Variants in PTPRD observed in about 807,000 individuals in gnomAD.
The protein encoded by PTPRD is protein tyrosine phosphatase receptor type D.
Under a neutral mutation model 214.5 loss-of-function variants are expected in PTPRD, and 34 were observed. That is an observed-to-expected ratio of 0.16 (90% CI 0.12 to 0.21). PTPRD has a LOEUF of 0.21. PTPRD is among the 10% of genes least tolerant of loss of function. The pLI is 1.00. For missense variants in PTPRD, 2,545 were observed against 2,398.7 expected (o/e 1.06, Z -1.27); for synonymous variants, 1,128 against 845.7 (o/e 1.33, Z -5.79).
chr9:8,346,072 T>C (rs10739157), intron 39 of PTPRD, among the ~76,000 whole-genome samples: 86,618 of 151,960 alleles, frequency 0.57, 27,985 homozygotes, highest in Non-Finnish European at 0.74. Flanking sequence ...GCTTAATCAG[T>C]ATCTTCTCCT....
intron 8 of PTPRD, among the ~76,000 whole-genome samples, chr9:9,486,276 C>T (rs768309491): frequency 6.8e-6 from 1 of 147,502 alleles, no homozygotes; most frequent in Non-Finnish European, 1.5e-5. Context: ...CATCCCTTAC[C>T]TTTGCGTCTT....
intron 18 of PTPRD, among the ~76,000 whole-genome samples, chr9:8,524,219 C>G (rs1267145447): frequency 2.0e-5 from 3 of 152,110 alleles, no homozygotes; most frequent in Non-Finnish European, 4.4e-5. Flanking sequence ...TGAATGTATC[C>G]TCATAATTCA....
chr9:9,008,156 GCCACAGT>G (rs1431137380), intron 11 of PTPRD, among the ~76,000 whole-genome samples: 1 of 149,214 alleles, frequency 6.7e-6, no homozygotes, highest in Non-Finnish European at 1.5e-5. Flanking sequence ...AGCCAAGAAA[GCCACAGT>G]CCATGAGAGT....
intron 8 of PTPRD, among the ~76,000 whole-genome samples, chr9:9,564,474 G>C (rs892833770): frequency 1.3e-5 from 2 of 152,098 alleles, no homozygotes; most frequent in African/African-American, 4.8e-5. Context: ...CTCCACATTA[G>C]ATCAACTAAA....
At chr9:9,374,605 C>T (rs1399485117) in intron 9 of PTPRD, among the ~76,000 whole-genome samples, 1 of 152,094 alleles carries the variant, frequency 6.6e-6, no homozygotes, top group African/African-American at 2.4e-5. Flanking sequence ...CTTAGAAGGC[C>T]TTAATGTAAG....
chr9:9,189,043 T>C (rs1488520171), intron 9 of PTPRD, among the ~76,000 whole-genome samples: 1 of 152,070 alleles, frequency 6.6e-6, no homozygotes, highest in African/African-American at 2.4e-5. Context: ...CTTATTCTTC[T>C]TTTTGTAATC....
In PTPRD at chr9:8,897,854, CTT is replaced by C. The variant is rs571255159; in HGVS notation, c.-104+120841_-104+120842del. On this transcript the variant is annotated intron_variant, in intron 11 of 45. Coordinates refer to ENST00000381196, the MANE Select transcript of PTPRD (RefSeq NM_002839.4). ...ACCAAACTTCTCTGGCACTCCAACT[CTT>C]TATTTACAGAGTGAGGATTAGTAAC... 2.9e-3 allele frequency among the ~76,000 whole-genome samples: 449 copies of C among 152,292 alleles called. 3 individuals carry two copies. Among genetic ancestry groups the C allele is most frequent in the African/African-American group, 0.01 (423 of 41,568 alleles).
In PTPRD at chr9:10,601,635, T is replaced by C. The variant is rs567316742; in HGVS notation, c.-600+10763A>G. Among the ~76,000 whole-genome samples, 4 of 151,916 alleles carry C rather than the reference T, an allele frequency of 2.6e-5. No individual in the cohort carries two copies. In the South Asian group the frequency reaches 6.2e-4, roughly 24 times the overall value. ...CTGAATTTTATATCTTCTTTCTTTG[T>C]AAAAATAAAGGAAATAAAATTATAT... is the stretch of plus-strand genomic sequence containing the variant. On this transcript the variant is annotated intron_variant, in intron 2 of 45. Coordinates refer to ENST00000381196, the MANE Select transcript of PTPRD (RefSeq NM_002839.4).
chr9:10,486,689 T>G (rs555231948), intron 2 of PTPRD, among the ~76,000 whole-genome samples: 2 of 152,352 alleles, frequency 1.3e-5, no homozygotes, highest in South Asian at 4.1e-4. Flanking sequence ...TATTTCAATT[T>G]TTTAAATGTT....
At chr9:9,245,386 T>C (rs2099972558) in intron 9 of PTPRD, among the ~76,000 whole-genome samples, 1 of 152,094 alleles carries the variant, frequency 6.6e-6, no homozygotes, top group Non-Finnish European at 1.5e-5. Flanking sequence ...CCAACAATGA[T>C]AGACTGGATT....
chr9:10,180,960 T>A (rs2099278869), intron 3 of PTPRD, among the ~76,000 whole-genome samples: 1 of 152,034 alleles, frequency 6.6e-6, no homozygotes, highest in South Asian at 2.1e-4. Context: ...AATATCATAT[T>A]CAATGAATAA....
chr9:9,985,438 T>G (rs2095676036), intron 4 of PTPRD, among the ~76,000 whole-genome samples: 1 of 152,198 alleles, frequency 6.6e-6, no homozygotes, highest in Non-Finnish European at 1.5e-5. Context: ...TTTAAATTAT[T>G]TTATTTACAA....
chr9:10,460,084 C>T (rs1271061276), intron 2 of PTPRD, among the ~76,000 whole-genome samples: 1 of 152,000 alleles, frequency 6.6e-6, no homozygotes, highest in African/African-American at 2.4e-5. Context: ...TGGAGCATAT[C>T]TATACACAAA....
chr9:9,749,935 A>G (rs1564964497), intron 6 of PTPRD, among the ~76,000 whole-genome samples: 1 of 152,174 alleles, frequency 6.6e-6, no homozygotes, highest in Non-Finnish European at 1.5e-5. Flanking sequence ...CTGCCTATAT[A>G]AAATAATAGA....
chr9:10,210,796 C>CATATT lies in PTPRD; in HGVS notation c.-545+130166_-545+130167insAATAT, dbSNP rs1409887184. On this transcript the variant is annotated intron_variant, in intron 3 of 45. Coordinates refer to ENST00000381196, the MANE Select transcript of PTPRD (RefSeq NM_002839.4). ...TTATATATATAAAATCAAAAAACTT[C>CATATT]ATATATATATATATATATATATATA... 2.6e-3 allele frequency among the ~76,000 whole-genome samples: 200 copies of CATATT among 76,722 alleles called. 2 individuals carry two copies. Among genetic ancestry groups the CATATT allele is most frequent in the Non-Finnish European group, 4.9e-3 (167 of 34,236 alleles). 50.3% of individuals were successfully genotyped at this position (76,722 alleles called of 152,430 possible).
At chr9:10,227,668 G>A (rs1343706249) in intron 3 of PTPRD, among the ~76,000 whole-genome samples, 1 of 151,854 alleles carries the variant, frequency 6.6e-6, no homozygotes, top group East Asian at 1.9e-4. Flanking sequence ...TGTTACTTCT[G>A]ATTCTCAGCG....
intron 36 of PTPRD, among the ~76,000 whole-genome samples, chr9:8,392,922 C>T (rs1017509185): frequency 2.6e-5 from 4 of 152,088 alleles, no homozygotes; most frequent in African/African-American, 9.7e-5. Context: ...ATATTAACCC[C>T]AGATTGGAAG....
chr9:9,917,513 T>A (rs1461486923), intron 5 of PTPRD, among the ~76,000 whole-genome samples: 1 of 149,840 alleles, frequency 6.7e-6, no homozygotes, highest in Non-Finnish European at 1.5e-5. Flanking sequence ...CTACCATATC[T>A]TTAGAGTTAA....
intron 7 of PTPRD, among the ~76,000 whole-genome samples, chr9:9,666,971 TAA>T (rs997372921): frequency 3.3e-5 from 5 of 152,178 alleles, no homozygotes; most frequent in African/African-American, 9.6e-5. Context: ...GTAACATTAT[TAA>T]AAATAGACTA....
Sources: allele counts gnomAD v4.1 joint callset (sites outside exome capture counted in the v4.1 genomes callset), GRCh38; gene constraint gnomAD v4.1.1; transcripts MANE v1.5; gene names NCBI Gene and HGNC (gene_info 2026-07-23, HGNC 2026-07-21).